Variants in FOXO3 observed in about 807,000 individuals in gnomAD.
The protein encoded by FOXO3 is forkhead box O3.
Under a neutral mutation model 41.9 loss-of-function variants are expected in FOXO3, and 4 were observed. That is an observed-to-expected ratio of 0.10 (90% confidence interval 0.05 to 0.22). The LOEUF (loss-of-function observed/expected upper bound fraction) is 0.22, where lower values mean the gene tolerates loss of function less well. Among genes scored for constraint, FOXO3 ranks in the 10% least tolerant of loss-of-function variants. The pLI, the probability that FOXO3 is intolerant of heterozygous loss-of-function variation, is 1.00. For missense variants in FOXO3, 534 were observed against 906.8 expected (o/e 0.59, Z 5.28); for synonymous variants, 318 against 389.3 (o/e 0.82, Z 2.16).
At chr6:108,597,163 T>A (rs1473827065) in intron 1 of FOXO3, among the ~76,000 whole-genome samples, 1 of 152,214 alleles carries the variant, frequency 6.6e-6, no homozygotes, top group Non-Finnish European at 1.5e-5. Context: ...GGTGATGCCA[T>A]TGGGCTATGT....
At chr6:108,665,921 G>A (rs1001378627) in intron 2 of FOXO3, among the ~76,000 whole-genome samples, 6 of 151,846 alleles carry the variant, frequency 4.0e-5, no homozygotes, top group Non-Finnish European at 8.8e-5. Context: ...AATGATATCA[G>A]CAGTTTCCAA....
chr6:108,596,008 C>T (rs1562238297), intron 1 of FOXO3, among the ~76,000 whole-genome samples: 1 of 152,134 alleles, frequency 6.6e-6, no homozygotes, highest in East Asian at 1.9e-4. Flanking sequence ...CTGCTTCCTT[C>T]TTGTCCGTTT....
In FOXO3 at chr6:108,683,437, G is replaced by T. The variant is rs1770941200; in HGVS notation, c.*3645G>T. 6.6e-6 allele frequency: 1 copy of T among 152,196 alleles called. No individual in the cohort carries two copies. Among genetic ancestry groups the T allele is most frequent in the Admixed American group, 6.5e-5 (1 of 15,278 alleles). The allele number at this position is 152,196 out of a possible 1,614,324, so 9.4% of individuals were successfully genotyped here. Reference sequence around the variant, plus strand: ...CCATGAAGAATAAAGCAGTCAAAAAGAAGTCCTCCATGTTGGTGCCAAGGA... The same window carrying T: ...CCATGAAGAATAAAGCAGTCAAAAATAAGTCCTCCATGTTGGTGCCAAGGA... On this transcript the variant is annotated 3_prime_UTR_variant, in exon 3 of 3. Transcript: ENST00000406360.
At chr6:108,628,916 G>A (rs1777884410) in intron 1 of FOXO3, among the ~76,000 whole-genome samples, 1 of 152,020 alleles carries the variant, frequency 6.6e-6, no homozygotes, top group Non-Finnish European at 1.5e-5. Flanking sequence ...TTAAGATGAA[G>A]GCATGGACAG....
rs113524396 is a variant in FOXO3 at position 108,643,460 on chromosome 6, C to G, written c.622-19995C>G. 2.9e-3 allele frequency among the ~76,000 whole-genome samples: 448 copies of G among 152,214 alleles called. 1 individual carries two copies. Among genetic ancestry groups the G allele is most frequent in the South Asian group, 8.3e-3 (40 of 4,824 alleles). On this transcript the variant is annotated intron_variant, in intron 1 of 2. Transcript: ENST00000406360. ...CTCCTTCAAGTACCTAAGAAGTGTT[C>G]CAAAGTGAATGTGAAGTTAATGGGA...
In FOXO3 at chr6:108,655,944, C is replaced by T. The variant is rs77603779; in HGVS notation, c.622-7511C>T. Among the ~76,000 whole-genome samples, 76 of 152,304 alleles carry T rather than the reference C, an allele frequency of 5.0e-4. 1 individual carries two copies. The East Asian group carries it at 0.014, about 29-fold the overall frequency. The stretch of plus-strand genomic sequence containing the variant: ...AGTGAGACCCACTTGAAATGCTGGT[C>T]CTGTACACAAAGTGGGTGAGCACTG... On this transcript the variant is annotated intron_variant, in intron 1 of 2. Transcript: ENST00000406360.
intron 2 of FOXO3, among the ~76,000 whole-genome samples, chr6:108,671,929 C>T (rs996180936): frequency 6.6e-6 from 1 of 152,206 alleles, no homozygotes; most frequent in African/African-American, 2.4e-5. Context: ...CCAAAGTGCT[C>T]CATTAGCATC....
At chr6:108,590,428 G>A (rs960286371) in intron 1 of FOXO3, among the ~76,000 whole-genome samples, 1 of 152,182 alleles carries the variant, frequency 6.6e-6, no homozygotes, top group African/African-American at 2.4e-5. Context: ...TCTCATGTAA[G>A]GGGTTGCAGT....
At chr6:108,610,266 A>T (rs1777322232) in intron 1 of FOXO3, among the ~76,000 whole-genome samples, 1 of 152,078 alleles carries the variant, frequency 6.6e-6, no homozygotes, top group African/African-American at 2.4e-5. Context: ...TTGTAATTTT[A>T]AAATAAAAGG....
chr6:108,624,926 C>T (rs1332979536), intron 1 of FOXO3, among the ~76,000 whole-genome samples: 1 of 152,080 alleles, frequency 6.6e-6, no homozygotes, highest in African/African-American at 2.4e-5. Flanking sequence ...CAAGCCACCA[C>T]GCTCAGTGTT....
intron 2 of FOXO3, among the ~76,000 whole-genome samples, chr6:108,675,141 G>GT (rs915317089): frequency 6.6e-6 from 1 of 152,208 alleles, no homozygotes; most frequent in East Asian, 1.9e-4. Flanking sequence ...AGATCAGATA[G>GT]TTTAAGATAG....
intron 1 of FOXO3, among the ~76,000 whole-genome samples, chr6:108,647,732 G>A (rs1778431540): frequency 6.6e-6 from 1 of 152,184 alleles, no homozygotes; most frequent in Non-Finnish European, 1.5e-5. Context: ...CAAGAGGAAA[G>A]GGGAGGGAAA....
chr6:108,587,401 G>T (rs146192375), intron 1 of FOXO3, among the ~76,000 whole-genome samples: 4 of 152,198 alleles, frequency 2.6e-5, no homozygotes, highest in African/African-American at 9.6e-5. Flanking sequence ...AGGTGGTTTC[G>T]TTGAGGAGCA....
chr6:108,675,473 T>C (rs1770549356), intron 2 of FOXO3, among the ~76,000 whole-genome samples: 2 of 152,342 alleles, frequency 1.3e-5, no homozygotes, highest in African/African-American at 4.8e-5. Flanking sequence ...AGGCAGCCTT[T>C]ACACAAGTCA....
At chr6:108,569,267 C>T (rs141129872) in intron 1 of FOXO3, among the ~76,000 whole-genome samples, 50 of 152,296 alleles carry the variant, frequency 3.3e-4, no homozygotes, top group African/African-American at 1.2e-3. Flanking sequence ...TGTGGTTAGG[C>T]TAGTGATGAT....
chr6:108,626,134 A>G (rs780645243), intron 1 of FOXO3, among the ~76,000 whole-genome samples: 3 of 152,226 alleles, frequency 2.0e-5, no homozygotes, highest in African/African-American at 4.8e-5. Context: ...TATGTCCAGT[A>G]TACACTTTTT....
chr6:108,593,471 G>A (rs1768100462), intron 1 of FOXO3, among the ~76,000 whole-genome samples: 1 of 151,504 alleles, frequency 6.6e-6, no homozygotes, highest in South Asian at 2.1e-4. Context: ...TCTGCCACCT[G>A]GGTTCAAGTG....
At chr6:108,564,040 C>T (rs955126557) in intron 1 of FOXO3, among the ~76,000 whole-genome samples, 2 of 151,886 alleles carry the variant, frequency 1.3e-5, no homozygotes, top group African/African-American at 4.8e-5. Context: ...ATTCTCAAGG[C>T]TTAATATGCT....
At position 108,664,126 on chromosome 6, in the gene FOXO3, C is replaced by T. The variant is rs1778974141; in HGVS notation, c.1293C>T (p.Asn431=). Residue 431 remains asparagine, a synonymous_variant, in exon 2 of 3, where the codon AAC becomes AAT. Coordinates refer to ENST00000406360, the MANE Select transcript of FOXO3 (RefSeq NM_001455.4). The part of the protein sequence containing the change: ...SGLGSPTSSF[N]STVFGPSSLN... Reference sequence around the variant, plus strand: ...TGGGCTCCCCAACCAGCTCCTTTAACAGCACGGTGTTCGGACCTTCATCTC... The same window carrying T: ...TGGGCTCCCCAACCAGCTCCTTTAATAGCACGGTGTTCGGACCTTCATCTC... 6.8e-6 allele frequency: 11 copies of T among 1,614,154 alleles called. No homozygotes were observed. The highest frequency in any genetic ancestry group is 6.7e-5 in the East Asian group (3 of 44,876).
Sources: gnomAD v4.1 joint callset for allele counts (sites outside exome capture counted in the v4.1 genomes callset) on GRCh38, gnomAD v4.1.1 for gene constraint, MANE v1.5 for transcripts, NCBI Gene and HGNC (gene_info 2026-07-23, HGNC 2026-07-21) for gene names.